The following DLGAP2 variants were observed in gnomAD, a reference collection of about 807,000 sequenced individuals.
DLGAP2 encodes the protein DLG associated protein 2, also known as disks large-associated protein 2.
DLGAP2 carries 26 observed loss-of-function variants against 100.3 expected under a neutral mutation model. The ratio of observed to expected loss-of-function variants is 0.26; its 90% CI spans 0.19 to 0.36. The LOEUF (loss-of-function observed/expected upper bound fraction) is 0.36. Ranked by LOEUF, DLGAP2 falls within the 10% of genes least tolerant of loss-of-function variation. DLGAP2 has a pLI of 1.00. For synonymous variants in DLGAP2, 886 were observed against 630.1 expected (o/e 1.41, Z -6.08); for missense variants, 1,858 against 1,453.2 (o/e 1.28, Z -4.53).
chr8:1,133,962 C>A (rs1796349992), intron 2 of DLGAP2, among the ~76,000 whole-genome samples: 1 of 151,846 alleles, frequency 6.6e-6, no homozygotes, highest in South Asian at 2.1e-4. Flanking sequence ...AAGCCCAGTA[C>A]CCATTAGTTA....
chr8:836,015 T>C (rs1416725714), intron 1 of DLGAP2, among the ~76,000 whole-genome samples: 2 of 152,306 alleles, frequency 1.3e-5, no homozygotes, highest in African/African-American at 2.4e-5. Flanking sequence ...TTTTTGTCCA[T>C]GAGTGTGAAT....
At chr8:1,188,190 C>T (rs1451546313) in intron 2 of DLGAP2, among the ~76,000 whole-genome samples, 32 of 129,698 alleles carry the variant, frequency 2.5e-4, no homozygotes, top group South Asian at 5.2e-4. Context: ...CGCCCGGGAC[C>T]TCTGTGACGT....
chr8:1,222,449 C>G (rs1798333433), intron 2 of DLGAP2, among the ~76,000 whole-genome samples: 1 of 152,170 alleles, frequency 6.6e-6, no homozygotes, highest in Admixed American at 6.5e-5. Context: ...TAAGTACCTG[C>G]TGTGCTGGAG....
At chr8:1,060,004 C>A (rs1237782012) in intron 2 of DLGAP2, among the ~76,000 whole-genome samples, 1 of 152,140 alleles carries the variant, frequency 6.6e-6, no homozygotes, top group Non-Finnish European at 1.5e-5. Context: ...TGACAGCAAG[C>A]AAGTGGTCGC....
intron 3 of DLGAP2, among the ~76,000 whole-genome samples, chr8:1,437,347 G>C (rs763071001): frequency 4.6e-5 from 7 of 152,246 alleles, no homozygotes; most frequent in Non-Finnish European, 8.8e-5. Flanking sequence ...ACACAACCAC[G>C]AGGCCACCTT....
rs750348413 is a variant in DLGAP2, at chr8:1,304,229, C to T, written c.106+45346C>T. Among the ~76,000 whole-genome samples, 9 of 152,314 alleles carry T rather than the reference C, an allele frequency of 5.9e-5. No individual in the cohort carries two copies. In the South Asian group the frequency reaches 8.3e-4, roughly 14 times the overall value. On this transcript the variant is annotated intron_variant, in intron 3 of 14. Transcript: ENST00000637795. ...CTTTTGTGTCCACGCTGGACTCTTCCTGTAGGAGCCCTGAGCATGGGCTAT... is the reference window on the plus strand; with the variant it reads ...CTTTTGTGTCCACGCTGGACTCTTCTTGTAGGAGCCCTGAGCATGGGCTAT...
In DLGAP2 at chr8:906,219, G is replaced by T. The variant is rs570626711; in HGVS notation, c.19-1693G>T. Among the ~76,000 whole-genome samples, 23 of 152,344 alleles carry T rather than the reference G, an allele frequency of 1.5e-4. No homozygotes were observed. In the South Asian group the frequency reaches 1.7e-3, roughly 11 times the overall value. On this transcript the variant is annotated intron_variant, in intron 1 of 14. Coordinates refer to ENST00000637795, the MANE Select transcript of DLGAP2 (RefSeq NM_001346810.2). ...GGTGTCTGCAGCTGACTAGGTCAGC[G>T]TTTCCACTCTGGCTGTTAATGGGAC...
chr8:1,502,535 C>T (rs1002611674), intron 4 of DLGAP2, among the ~76,000 whole-genome samples: 6 of 151,984 alleles, frequency 3.9e-5, no homozygotes, highest in Non-Finnish European at 8.8e-5. Context: ...TTGTTGCTAA[C>T]TGACGTTCTA....
intron 8 of DLGAP2, among the ~76,000 whole-genome samples, chr8:1,640,611 A>G (rs940425843): frequency 1.3e-5 from 2 of 152,026 alleles, no homozygotes; most frequent in African/African-American, 4.8e-5. Context: ...CATGTTGCAA[A>G]CTAAAGCCCA....
intron 3 of DLGAP2, among the ~76,000 whole-genome samples, chr8:1,436,318 A>G (rs1461381344): frequency 6.6e-6 from 1 of 152,204 alleles, no homozygotes; most frequent in East Asian, 1.9e-4. Context: ...TTGGAGTCTG[A>G]TGTTCAAGGG....
intron 4 of DLGAP2, among the ~76,000 whole-genome samples, chr8:1,533,729 T>A (rs1279237450): frequency 6.6e-6 from 1 of 152,094 alleles, no homozygotes; most frequent in East Asian, 1.9e-4. Flanking sequence ...ACTGAGAAGG[T>A]CATCAATAGT....
chr8:866,078 C>T (rs963260711), intron 1 of DLGAP2, among the ~76,000 whole-genome samples: 2 of 152,116 alleles, frequency 1.3e-5, no homozygotes, highest in Admixed American at 1.3e-4. Context: ...GTTTCGGAGC[C>T]ATGGTGCTTA....
chr8:1,073,694 C>T (rs927933393), intron 2 of DLGAP2, among the ~76,000 whole-genome samples: 3 of 152,212 alleles, frequency 2.0e-5, no homozygotes, highest in Non-Finnish European at 2.9e-5. Flanking sequence ...TGGCCTGGAA[C>T]TTGAATTTGG....
At chr8:1,047,855 A>G (rs1802558647) in intron 2 of DLGAP2, among the ~76,000 whole-genome samples, 1 of 152,126 alleles carries the variant, frequency 6.6e-6, no homozygotes. Context: ...AGAAACATTC[A>G]ATCTATCGCA....
chr8:915,861 C>A (rs981025561), intron 2 of DLGAP2, among the ~76,000 whole-genome samples: 1 of 150,260 alleles, frequency 6.7e-6, no homozygotes, highest in South Asian at 2.1e-4. Context: ...TCAGTTCACC[C>A]GTCCGTCCAT....
At chr8:1,255,292 G>A (rs1308133551) in intron 2 of DLGAP2, among the ~76,000 whole-genome samples, 1 of 109,644 alleles carries the variant, frequency 9.1e-6, no homozygotes, top group Non-Finnish European at 1.7e-5. Context: ...CCTGGGTGCT[G>A]TGTGTGTGCC....
intron 1 of DLGAP2, among the ~76,000 whole-genome samples, chr8:785,529 C>G (rs1374920756): frequency 7.0e-6 from 1 of 142,720 alleles, no homozygotes; most frequent in Non-Finnish European, 1.5e-5. Context: ...CTGAGACCGG[C>G]TTCCCTCCTC....
At chr8:1,478,476 C>G (rs779826087) in intron 3 of DLGAP2, among the ~76,000 whole-genome samples, 1 of 152,216 alleles carries the variant, frequency 6.6e-6, no homozygotes, top group Non-Finnish European at 1.5e-5. Flanking sequence ...CAACAGCATC[C>G]GTGATTCTGG....
intron 3 of DLGAP2, among the ~76,000 whole-genome samples, chr8:1,481,540 A>G (rs10099810): frequency 0.73 from 101,544 of 139,232 alleles, 39,501 homozygotes; most frequent in East Asian, 0.89. Flanking sequence ...GTGCAGTGGT[A>G]TGATCTTGGA....
Sources: allele counts gnomAD v4.1 joint callset (sites outside exome capture counted in the v4.1 genomes callset), GRCh38; gene constraint gnomAD v4.1.1; transcripts MANE v1.5; gene names NCBI Gene and HGNC (gene_info 2026-07-23, HGNC 2026-07-21).